Variants in LRP1B observed in about 807,000 individuals in gnomAD.
The protein encoded by LRP1B is LDL receptor related protein 1B.
A neutral mutation model predicts 556.6 loss-of-function variants in LRP1B; 217 were observed. The observed-to-expected ratio is 0.39, with a 90% CI of 0.35 to 0.44. LRP1B has a LOEUF of 0.44. LRP1B is among the 20% of genes least tolerant of loss of function. The pLI is 1.00. For synonymous variants in LRP1B, 2,047 were observed against 1,865.8 expected (o/e 1.10, Z -2.50); for missense variants, 5,053 against 5,620.8 (o/e 0.90, Z 3.23).
chr2:140,784,376 C>CCACACA (rs143661527), intron 32 of LRP1B, among the ~76,000 whole-genome samples: 16,394 of 126,426 alleles, frequency 0.13, 1,126 homozygotes, highest in Non-Finnish European at 0.16. Flanking sequence ...GATTCTGCCT[C>CCACACA]CACACACACA....
At chr2:140,464,096 T>A (rs530157221) in intron 60 of LRP1B, among the ~76,000 whole-genome samples, 5 of 152,152 alleles carry the variant, frequency 3.3e-5, no homozygotes, top group African/African-American at 1.2e-4. Flanking sequence ...CTCGGGAGGC[T>A]GGGGCAGAAG....
chr2:142,093,330 G>C (rs1334417821), intron 1 of LRP1B, among the ~76,000 whole-genome samples: 1 of 151,938 alleles, frequency 6.6e-6, no homozygotes, highest in Non-Finnish European at 1.5e-5. Flanking sequence ...CACTTTTACT[G>C]ACCACAAAAT....
intron 32 of LRP1B, among the ~76,000 whole-genome samples, chr2:140,795,353 C>T (rs10180174): frequency 0.066 from 10,054 of 152,076 alleles, 930 homozygotes; most frequent in African/African-American, 0.2. Flanking sequence ...ATAAAAACTA[C>T]GAACAATAAC....
intron 1 of LRP1B, among the ~76,000 whole-genome samples, chr2:141,915,012 A>G (rs1459389188): frequency 6.6e-6 from 1 of 152,196 alleles, no homozygotes; most frequent in Non-Finnish European, 1.5e-5. Context: ...TAAAATTCAT[A>G]TGGGACAAAA....
At chr2:141,510,224 A>C (rs1574028659) in intron 2 of LRP1B, among the ~76,000 whole-genome samples, 1 of 150,798 alleles carries the variant, frequency 6.6e-6, no homozygotes, top group East Asian at 2.0e-4. Flanking sequence ...ACACACACAC[A>C]CACACACACA....
chr2:140,678,711 G>A (rs928221755), intron 41 of LRP1B, among the ~76,000 whole-genome samples: 7 of 151,552 alleles, frequency 4.6e-5, no homozygotes. Context: ...AGTTCTGAAG[G>A]CTGCAAATCT....
intron 32 of LRP1B, among the ~76,000 whole-genome samples, chr2:140,784,456 A>G (rs1035616132): frequency 3.3e-5 from 5 of 150,684 alleles, no homozygotes; most frequent in African/African-American, 1.2e-4. Context: ...AAAGATGTTT[A>G]TCATTACTTA....
chr2:140,869,417 A>G (rs1693055892), intron 25 of LRP1B, among the ~76,000 whole-genome samples: 1 of 152,032 alleles, frequency 6.6e-6, no homozygotes, highest in Admixed American at 6.6e-5. Flanking sequence ...GGAATAAAAA[A>G]CCCACAACAA....
At chr2:140,945,618 G>A (rs898438835) in intron 20 of LRP1B, among the ~76,000 whole-genome samples, 1 of 151,974 alleles carries the variant, frequency 6.6e-6, no homozygotes, top group South Asian at 2.1e-4. Context: ...AAAGGACTCC[G>A]TATTCAATAA....
chr2:141,611,753 A>G (rs762228605), intron 2 of LRP1B, among the ~76,000 whole-genome samples: 3 of 152,224 alleles, frequency 2.0e-5, no homozygotes, highest in Non-Finnish European at 4.4e-5. Flanking sequence ...ATAAATGTCA[A>G]TGCAAGAGAG....
chr2:141,203,954 G>A (rs565610454), intron 6 of LRP1B, among the ~76,000 whole-genome samples: 1 of 152,190 alleles, frequency 6.6e-6, no homozygotes, highest in Admixed American at 6.5e-5. Context: ...CGAAATGAAG[G>A]CAGAAATAAA....
intron 41 of LRP1B, among the ~76,000 whole-genome samples, chr2:140,629,899 A>G (rs999862187): frequency 3.3e-5 from 5 of 152,094 alleles, no homozygotes; most frequent in Non-Finnish European, 7.3e-5. Context: ...TAGTGCTAAA[A>G]CTTTTTTCAC....
intron 3 of LRP1B, among the ~76,000 whole-genome samples, chr2:141,380,677 A>T (rs1432070266): frequency 6.6e-6 from 1 of 152,234 alleles, no homozygotes; most frequent in Non-Finnish European, 1.5e-5. Flanking sequence ...TCCTCAGCTC[A>T]GTGCAGAGGA....
intron 2 of LRP1B, among the ~76,000 whole-genome samples, chr2:141,633,784 ACACT>A (rs55920752): frequency 0.39 from 58,628 of 151,464 alleles, 12,001 homozygotes; most frequent in Non-Finnish European, 0.47. Context: ...ATTCACATGC[ACACT>A]CAAACTACAT....
At chr2:141,753,167 G>A (rs576405082) in intron 2 of LRP1B, among the ~76,000 whole-genome samples, 1 of 145,176 alleles carries the variant, frequency 6.9e-6, no homozygotes, top group Non-Finnish European at 1.5e-5. Context: ...AGAATCGCTT[G>A]AACCTGGGAG....
At chr2:141,461,382 T>C (rs1681865091) in intron 3 of LRP1B, among the ~76,000 whole-genome samples, 2 of 152,268 alleles carry the variant, frequency 1.3e-5, no homozygotes, top group East Asian at 1.9e-4. Context: ...AGTGGAATGA[T>C]AGAAATGAAA....
chr2:140,958,498 C>T (rs915300797), intron 18 of LRP1B, among the ~76,000 whole-genome samples: 2 of 151,434 alleles, frequency 1.3e-5, no homozygotes, highest in Admixed American at 1.3e-4. Context: ...AAGAAATCAC[C>T]ATAGTTGCAG....
At chr2:140,518,117 T>C (rs1015695236) in intron 49 of LRP1B, among the ~76,000 whole-genome samples, 15 of 152,124 alleles carry the variant, frequency 9.9e-5, no homozygotes, top group Non-Finnish European at 1.8e-4. Flanking sequence ...AGTGTATATA[T>C]CCCAATCACA....
chr2:141,289,299 G>A (rs1216723474), intron 3 of LRP1B, among the ~76,000 whole-genome samples: 1 of 146,816 alleles, frequency 6.8e-6, no homozygotes, highest in Non-Finnish European at 1.5e-5. Flanking sequence ...GGAGAATGGC[G>A]TGAACCCAGG....
Sources: allele counts gnomAD v4.1 joint callset (sites outside exome capture counted in the v4.1 genomes callset), GRCh38; gene constraint gnomAD v4.1.1; transcripts MANE v1.5; gene names NCBI Gene and HGNC (gene_info 2026-07-23, HGNC 2026-07-21).